FBXL3: variants seen among roughly 807,000 people sequenced by gnomAD.
The protein encoded by FBXL3 is F-box and leucine rich repeat protein 3.
In FBXL3, 14 loss-of-function variants were observed where a neutral mutation model predicts 37.9. That is an observed-to-expected ratio of 0.37 (90% CI 0.24 to 0.58). The LOEUF (loss-of-function observed/expected upper bound fraction) is 0.58. Among genes scored for constraint, FBXL3 ranks in the 20% least tolerant of loss-of-function variants. The pLI is 0.74. For synonymous variants in FBXL3, 194 were observed against 180.1 expected, an observed-to-expected ratio of 1.08 and a Z score of -0.62; for missense variants, 327 against 511.1, an observed-to-expected ratio of 0.64 and a Z score of 3.47.
intron 4 of FBXL3, among the ~76,000 whole-genome samples, chr13:77,012,604 T>C (rs910259995): frequency 2.0e-5 from 3 of 152,018 alleles, no homozygotes; most frequent in Admixed American, 2.0e-4. Context: ...ATAACAACTA[T>C]AGGAAATGAA....
Position 77,009,654 on chromosome 13 carries a change from G to A in FBXL3, c.644-1866C>T, listed in dbSNP as rs540140776. On this transcript the variant is annotated intron_variant, in intron 4 of 4. Transcript: ENST00000355619. Reference sequence around the variant, plus strand: ...AAATAGGAACGCTATTACAGTTAGCGGCAGTGTAAATTAGTTCAACCATTG... The same window carrying A: ...AAATAGGAACGCTATTACAGTTAGCAGCAGTGTAAATTAGTTCAACCATTG... 3.3e-5 allele frequency: 5 copies of A among 152,284 alleles called. No homozygotes were observed. In the South Asian group the frequency reaches 8.3e-4, roughly 25 times the overall value. 9.4% of individuals were successfully genotyped at this position (152,284 alleles called of 1,614,324 possible). A position where few individuals can be genotyped will look rare whatever the true frequency, so the allele number is the denominator to read the frequency against.
At chr13:77,022,515 C>G (rs958373668) in intron 1 of FBXL3, among the ~76,000 whole-genome samples, 2 of 152,208 alleles carry the variant, frequency 1.3e-5, no homozygotes, top group African/African-American at 4.8e-5. Flanking sequence ...TTATGAGACT[C>G]TTAATGCCTG....
intron 4 of FBXL3, chr13:77,009,553 C>T (rs572170171): frequency 2.6e-5 from 4 of 152,252 alleles, no homozygotes; most frequent in South Asian, 2.1e-4. Flanking sequence ...ATCTCCGTTC[C>T]GATACCATCT....
rs1040549134 is a variant in FBXL3, at chr13:77,006,187, AAGTG to A, written c.*954_*957del. On this transcript the variant is annotated 3_prime_UTR_variant, in exon 5 of 5. Transcript: ENST00000355619. ...ATAACTATGTAATTCCAAAATAGAA[AAGTG>A]AGTGAGCCATCACTAAAATTTACTG... 31 of 152,622 alleles carry A rather than the reference AAGTG, an allele frequency of 2.0e-4. No individual in the cohort carries two copies. The highest frequency in any genetic ancestry group is 7.5e-4 in the African/African-American group (31 of 41,568). 9.5% of individuals were successfully genotyped at this position (152,622 alleles called of 1,614,324 possible).
chr13:77,014,209 CACAA>C (rs2034603958), intron 4 of FBXL3: 1 of 152,120 alleles, frequency 6.6e-6, no homozygotes, highest in Non-Finnish European at 1.5e-5. Context: ...ACTGAGCAAC[CACAA>C]ACAAAGGTAA....
intron 4 of FBXL3, chr13:77,014,003 T>A (rs1340173494): frequency 6.6e-6 from 1 of 152,202 alleles, no homozygotes; most frequent in Non-Finnish European, 1.5e-5. Context: ...ATGTGTTAAA[T>A]GCTAGCAATA....
intron 4 of FBXL3, chr13:77,014,070 T>A (rs978648234): frequency 1.3e-5 from 2 of 152,158 alleles, no homozygotes; most frequent in Non-Finnish European, 2.9e-5. Flanking sequence ...AAAGGAGAAG[T>A]TCCCTTCTCC....
chr13:77,019,967 G>A (rs2034711469), intron 2 of FBXL3, among the ~76,000 whole-genome samples: 1 of 151,560 alleles, frequency 6.6e-6, no homozygotes, highest in Non-Finnish European at 1.5e-5. Flanking sequence ...AGGTGGAACT[G>A]GACTTTAAGA....
intron 4 of FBXL3, chr13:77,010,595 C>T (rs772150341): frequency 6.6e-6 from 1 of 152,166 alleles, no homozygotes; most frequent in Non-Finnish European, 1.5e-5. Context: ...ATTGCTGGCT[C>T]TAAGCTAGAG....
intron 2 of FBXL3, among the ~76,000 whole-genome samples, chr13:77,020,307 T>A (rs1324039431): frequency 6.6e-6 from 1 of 152,254 alleles, no homozygotes; most frequent in African/African-American, 2.4e-5. Flanking sequence ...ATACTCATCT[T>A]ACATTTTTAT....
intron 1 of FBXL3, 60 bp from the exon 2 acceptor site, chr13:77,021,921 A>G (rs2034752000): frequency 2.2e-6 from 3 of 1,341,750 alleles, no homozygotes; most frequent in Non-Finnish European, 3.1e-6. Context: ...AATAAACTCA[A>G]AATTCATTCT....
At position 77,006,870 on chromosome 13, in the gene FBXL3, C is replaced by A; in HGVS notation, c.*275G>T. ...ACATATAGGTTTTGTTTCCTTTAGA[C>A]TGTAAACTGTTTAATACGTATAACT... On this transcript the variant is annotated 3_prime_UTR_variant, in exon 5 of 5. Transcript: ENST00000355619. The A allele has an allele frequency of 8.2e-7, 1 of 1,212,962 alleles. No individual in the cohort carries two copies. The highest frequency in any genetic ancestry group is 1.0e-6 in the Non-Finnish European group (1 of 971,872). The allele number at this position is 1,212,962 out of a possible 1,614,324, so 75.1% of individuals were successfully genotyped here.
At chr13:77,007,971 G>A (rs900319245) in intron 4 of FBXL3, among the ~76,000 whole-genome samples, 183 bp from the exon 5 acceptor site, 3 of 152,098 alleles carry the variant, frequency 2.0e-5, no homozygotes, top group Admixed American at 2.0e-4. Flanking sequence ...TACTAATTTT[G>A]TCTACAAGAA....
chr13:77,009,329 T>C (rs2034505198), intron 4 of FBXL3: 2 of 152,204 alleles, frequency 1.3e-5, no homozygotes, highest in African/African-American at 2.4e-5. Flanking sequence ...AGTAGGTATA[T>C]ACTTTATTTT....
At chr13:77,019,681 G>C (rs532349529) in intron 2 of FBXL3, among the ~76,000 whole-genome samples, 1 of 152,214 alleles carries the variant, frequency 6.6e-6, no homozygotes, top group Non-Finnish European at 1.5e-5. Flanking sequence ...CCCTTCAGGT[G>C]ATTTTGATGC....
rs1014182450 is a variant in FBXL3 at position 77,020,101 on chromosome 13, G to A, written c.349-1379C>T. ...ACCTCTTTAGCCTTCTTCCCTGGGG[G>A]TATGGGGATGAGTCCTGAATTTTTG... On this transcript the variant is annotated intron_variant, in intron 2 of 4. Transcript: ENST00000355619. 2.0e-5 allele frequency among the ~76,000 whole-genome samples: 3 copies of A among 152,192 alleles called. No individual in the cohort carries two copies. The East Asian group carries it at 5.8e-4, about 29-fold the overall frequency.
At chr13:77,018,503 T>A in intron 3 of FBXL3, 97 bp downstream of exon 3, 4 of 927,906 alleles carry the variant, frequency 4.3e-6, no homozygotes, top group Non-Finnish European at 6.0e-6. Context: ...TGTATATATA[T>A]AACTTTCCTT....
At chr13:77,009,138 A>C (rs964584868) in intron 4 of FBXL3, 2 of 152,222 alleles carry the variant, frequency 1.3e-5, no homozygotes, top group Non-Finnish European at 2.9e-5. Context: ...ATGTCCATGC[A>C]CTTAACTACT....
chr13:77,021,037 T>A (rs2034733585), intron 2 of FBXL3, among the ~76,000 whole-genome samples: 1 of 152,256 alleles, frequency 6.6e-6, no homozygotes, highest in Non-Finnish European at 1.5e-5. Context: ...TGTACCTTTT[T>A]CTATTTCTCT....
Sources: gnomAD v4.1 joint callset for allele counts (sites outside exome capture counted in the v4.1 genomes callset) on GRCh38, gnomAD v4.1.1 for gene constraint, MANE v1.5 for transcripts, NCBI Gene and HGNC (gene_info 2026-07-23, HGNC 2026-07-21) for gene names.